BMS1: variants seen among roughly 807,000 people sequenced by gnomAD.
BMS1 encodes BMS1 ribosome biogenesis factor.
In BMS1, 53 loss-of-function variants were observed where a neutral mutation model predicts 138.7. The observed-to-expected ratio is 0.38, with a 90% CI of 0.31 to 0.48. BMS1 has a LOEUF of 0.48. Among genes scored for constraint, BMS1 ranks in the 20% least tolerant of loss-of-function variants. BMS1 has a pLI of 0.97. For synonymous variants in BMS1, 504 were observed against 539.9 expected (o/e 0.93, Z 0.92); for missense variants, 1,360 against 1,565.5 (o/e 0.87, Z 2.22).
intron 18 of BMS1, among the ~76,000 whole-genome samples, chr10:42,821,853 T>G (rs1335230534): frequency 6.6e-6 from 1 of 152,172 alleles, no homozygotes; most frequent in African/African-American, 2.4e-5. Context: ...GTGCTCGGCC[T>G]CAAGTCACCC....
intron 13 of BMS1, among the ~76,000 whole-genome samples, chr10:42,804,321 C>T (rs1841954202): frequency 6.6e-6 from 1 of 152,142 alleles, no homozygotes; most frequent in Admixed American, 6.5e-5. Flanking sequence ...AACTGTTTTC[C>T]AAAGTGTTTA....
At chr10:42,797,995 T>G (rs1841742570) in intron 11 of BMS1, among the ~76,000 whole-genome samples, 1 of 152,234 alleles carries the variant, frequency 6.6e-6, no homozygotes, top group Non-Finnish European at 1.5e-5. Context: ...CTTTACATTG[T>G]GCTCCCTGGT....
chr10:42,797,503 G>A lies in BMS1; in HGVS notation c.2069G>A (p.Arg690Gln), dbSNP rs753613781. ...LRQQQAAPNL[R>Q]KLIYGTVTED... is the part of the protein sequence containing the mutation. ...CAGCAGCAAGCAGCTCCAAACCTCC[G>A]AAAGCTTATTTATGGGACAGGTAAA... is the stretch of plus-strand genomic sequence containing the variant. The change falls in exon 11 of 23, where the codon CGA (arginine) becomes CAA (glutamine). Residue 690 changes from arginine (R) to glutamine (Q), a missense_variant. By Grantham distance (43) the Arg-to-Gln change is conservative. This residue lies in a region of BMS1 where 697 missense variants were observed against 686.2 expected (regional missense o/e 1.02). Coordinates refer to ENST00000374518, the MANE Select transcript of BMS1 (RefSeq NM_014753.4). The A allele has an allele frequency of 2.3e-5, 37 of 1,614,034 alleles. No homozygotes were observed. The highest frequency in any genetic ancestry group is 3.3e-5 in the Admixed American group (2 of 59,994).
At position 42,785,676 on chromosome 10, in the gene BMS1, G is replaced by C. The variant is rs1841306535; in HGVS notation, c.367+4G>C. The C allele has an allele frequency of 3.1e-6, 5 of 1,612,538 alleles. No homozygotes were observed. The highest frequency in any genetic ancestry group is 4.2e-6 in the Non-Finnish European group (5 of 1,178,702). ...GGCCCTGTGACGATTGTGTCAGGTAGGAGATGCCACCACAGACACAGAGTT... is the reference window on the plus strand; with the variant it reads ...GGCCCTGTGACGATTGTGTCAGGTACGAGATGCCACCACAGACACAGAGTT... On this transcript the variant is annotated splice_donor_region_variant and intron_variant, in intron 3 of 22. Transcript: ENST00000374518.
intron 12 of BMS1, among the ~76,000 whole-genome samples, chr10:42,800,194 G>A (rs1484344473): frequency 6.6e-6 from 1 of 152,126 alleles, no homozygotes; most frequent in Non-Finnish European, 1.5e-5. Flanking sequence ...AATTTAAATA[G>A]TCACATATTT....
At chr10:42,802,338 G>T (rs1000860218) in intron 13 of BMS1, 120 bp downstream of exon 13, 11 of 809,178 alleles carry the variant, frequency 1.4e-5, no homozygotes, top group Admixed American at 1.2e-4. Flanking sequence ...TGGGAATTCA[G>T]ACAGGAGTAA....
rs998221751 is a variant in BMS1 at position 42,823,935 on chromosome 10, A to C, written c.3456+151A>C. On this transcript the variant is annotated intron_variant, in intron 21 of 22. Transcript: ENST00000374518. The stretch of plus-strand genomic sequence containing the variant: ...GATTGAACAGTTGTATATTTGTGGA[A>C]TATTTTGGAATGGAACACCAAAAAA... 9 of 696,002 alleles carry C rather than the reference A, an allele frequency of 1.3e-5. No homozygotes were observed. In the African/African-American group the frequency reaches 1.7e-4, roughly 13 times the overall value. 43.1% of individuals were successfully genotyped at this position (696,002 alleles called of 1,614,324 possible).
chr10:42,796,428 G>T, intron 9 of BMS1, 46 bp from the exon 10 acceptor site: 1 of 1,547,450 alleles, frequency 6.5e-7, no homozygotes, highest in African/African-American at 1.4e-5. Flanking sequence ...TAGATTAGCT[G>T]ATTAATGTAC....
rs1842844309 is a variant in BMS1 at position 42,834,527 on chromosome 10, A to T, written c.*3431A>T. 6.6e-6 allele frequency: 1 copy of T among 152,058 alleles called. No homozygotes were observed. The highest frequency in any genetic ancestry group is 1.5e-5 in the Non-Finnish European group (1 of 68,010). 9.4% of individuals were successfully genotyped at this position (152,058 alleles called of 1,614,324 possible). The stretch of plus-strand genomic sequence containing the variant: ...CATTGTATTTTACTTGTGTCTCCTT[A>T]GTTTTACCTAGTTTATTTCATGGTT... On this transcript the variant is annotated 3_prime_UTR_variant, in exon 23 of 23. Transcript: ENST00000374518.
chr10:42,794,522 G>C (rs1351729946), intron 9 of BMS1, among the ~76,000 whole-genome samples: 4 of 150,758 alleles, frequency 2.7e-5, no homozygotes, highest in Middle Eastern at 6.3e-3. Context: ...ATGACTCCCA[G>C]TAAAATTTAT....
In BMS1 at chr10:42,816,592, T is replaced by C. The variant is rs755751727; in HGVS notation, c.2330-7T>C. 2 of 1,606,792 alleles carry C rather than the reference T, an allele frequency of 1.2e-6. No individual in the cohort carries two copies. Among genetic ancestry groups the C allele is most frequent in the East Asian group, 4.5e-5 (2 of 44,816 alleles). On this transcript the variant is annotated splice_polypyrimidine_tract_variant and splice_region_variant and intron_variant, in intron 13 of 22. Transcript: ENST00000374518. ...CACAGAGCAGCCTTTGGGTGTTCTT[T>C]TCCCAGAGGAGCTCTACGGTGACTT...
At chr10:42,811,014 A>T (rs542002637) in intron 13 of BMS1, among the ~76,000 whole-genome samples, 1 of 151,484 alleles carries the variant, frequency 6.6e-6, no homozygotes, top group African/African-American at 2.4e-5. Flanking sequence ...TCTGCTTTCA[A>T]TGTTATTGAT....
chr10:42,820,191 T>A, intron 15 of BMS1, 45 bp from the exon 16 acceptor site: 1 of 1,596,980 alleles, frequency 6.3e-7, no homozygotes, highest in Admixed American at 1.7e-5. Flanking sequence ...TTATGTTTAT[T>A]ACAGATAACA....
intron 15 of BMS1, among the ~76,000 whole-genome samples, chr10:42,819,833 C>T (rs987565288): frequency 3.3e-5 from 5 of 151,992 alleles, no homozygotes; most frequent in African/African-American, 1.2e-4. Context: ...GCTCTATTGC[C>T]CAGGCTGGAG....
Position 42,820,969 on chromosome 10 carries a change from A to G in BMS1, c.2986A>G (p.Ile996Val), listed in dbSNP as rs567620548. 19 of 1,598,966 alleles carry G rather than the reference A, an allele frequency of 1.2e-5. No homozygotes were observed. In the East Asian group the frequency reaches 2.9e-4, roughly 24 times the overall value. Reference protein sequence around the residue: ...ITPQGTGFLAIQSVSGIMPDF... With the variant: ...ITPQGTGFLAVQSVSGIMPDF... ...TCCACAGGGAACTGGTTTCTTGGCA[A>G]TACAGTCTGTCAGTGGCATAATGGT... is the stretch of plus-strand genomic sequence containing the variant. The change falls in exon 18 of 23, where the codon ATA becomes GTA. Residue 996 changes from isoleucine (I) to valine (V), a missense_variant. Coordinates refer to ENST00000374518, the MANE Select transcript of BMS1 (RefSeq NM_014753.4).
chr10:42,820,102 T>C, intron 15 of BMS1, 134 bp from the exon 16 acceptor site: 1 of 1,197,228 alleles, frequency 8.4e-7, no homozygotes, highest in Non-Finnish European at 1.1e-6. Context: ...AAATGTGTAG[T>C]ATTTTTAATA....
chr10:42,830,700 G>C (rs1490258635), intron 22 of BMS1, among the ~76,000 whole-genome samples, 166 bp from the exon 23 acceptor site: 1 of 152,064 alleles, frequency 6.6e-6, no homozygotes, highest in Non-Finnish European at 1.5e-5. Flanking sequence ...GGTAAAATGG[G>C]ATCACACCTG....
At chr10:42,814,459 G>T (rs1842277794) in intron 13 of BMS1, among the ~76,000 whole-genome samples, 1 of 152,002 alleles carries the variant, frequency 6.6e-6, no homozygotes, top group Non-Finnish European at 1.5e-5. Context: ...TTCTTCTTCA[G>T]TTTCTTTGCT....
Position 42,790,232 on chromosome 10 carries a change from G to A in BMS1, c.448-91G>A, listed in dbSNP as rs534133311. The A allele has an allele frequency of 1.1e-5, 13 of 1,192,108 alleles. No individual in the cohort carries two copies. The East Asian group carries it at 2.8e-4, about 26-fold the overall frequency. The allele number at this position is 1,192,108 out of a possible 1,614,324, so 73.8% of individuals were successfully genotyped here. On this transcript the variant is annotated intron_variant, in intron 4 of 22. Transcript: ENST00000374518. ...ACTTTAGTTACAAACACAGGTGATG[G>A]GCTGGATTTTGCCCGTGGCCAGTTG...
Sources: gnomAD v4.1 joint callset for allele counts (sites outside exome capture counted in the v4.1 genomes callset) on GRCh38, gnomAD v4.1.1 for gene constraint, gnomAD v4.1.1 regional missense constraint, MANE v1.5 for transcripts, NCBI Gene and HGNC (gene_info 2026-07-23, HGNC 2026-07-21) for gene names.